Variants in PTPRT observed in about 807,000 individuals in gnomAD.
PTPRT encodes receptor-type tyrosine-protein phosphatase T.
In PTPRT, 56 loss-of-function variants were observed where a neutral mutation model predicts 176.8. That is an observed-to-expected ratio of 0.32 (90% CI 0.26 to 0.40). The LOEUF (loss-of-function observed/expected upper bound fraction) is 0.40. Among genes scored for constraint, PTPRT ranks in the 10% least tolerant of loss-of-function variants. The probability of loss-of-function intolerance (pLI) is 1.00; values close to 1 mark genes in which losing one functional copy is unlikely to be tolerated. For synonymous variants in PTPRT, 783 were observed against 739.0 expected, an observed-to-expected ratio of 1.06 and a Z score of -0.96; for missense variants, 1,540 against 1,908.2, an observed-to-expected ratio of 0.81 and a Z score of 3.60.
intron 16 of PTPRT, among the ~76,000 whole-genome samples, chr20:42,168,779 G>T (rs1214174011): frequency 6.6e-6 from 1 of 152,194 alleles, no homozygotes; most frequent in Non-Finnish European, 1.5e-5. Context: ...TTGTAAGAAT[G>T]CTCTGTTCTG....
intron 26 of PTPRT, 68 bp downstream of exon 26, chr20:42,102,056 C>A: frequency 6.4e-7 from 1 of 1,557,448 alleles, no homozygotes; most frequent in East Asian, 2.3e-5. Flanking sequence ...GGTCCAGCCA[C>A]CTCCACCTCA....
intron 15 of PTPRT, among the ~76,000 whole-genome samples, chr20:42,232,792 T>C (rs2056161629): frequency 7.4e-6 from 1 of 134,510 alleles, no homozygotes; most frequent in Non-Finnish European, 1.5e-5. Flanking sequence ...GTAGCCAGTA[T>C]CATGTTTCTT....
intron 1 of PTPRT, among the ~76,000 whole-genome samples, chr20:43,071,302 C>A (rs1302353216): frequency 6.6e-6 from 1 of 152,222 alleles, no homozygotes; most frequent in African/African-American, 2.4e-5. Flanking sequence ...AAATCTCAAG[C>A]CCCACTCCAG....
chr20:42,397,124 G>A (rs1390841966), intron 9 of PTPRT, among the ~76,000 whole-genome samples: 3 of 152,266 alleles, frequency 2.0e-5, no homozygotes, highest in African/African-American at 7.2e-5. Context: ...GATGGTGTCA[G>A]TTTTCCCACT....
At chr20:42,213,664 T>G (rs1488541280) in intron 15 of PTPRT, among the ~76,000 whole-genome samples, 1 of 152,110 alleles carries the variant, frequency 6.6e-6, no homozygotes, top group East Asian at 1.9e-4. Flanking sequence ...TGGACAGAAG[T>G]GCACTGGAAG....
chr20:42,199,223 T>C lies in PTPRT; in HGVS notation c.2491+17A>G. 1 of 1,612,962 alleles carries C rather than the reference T, an allele frequency of 6.2e-7. No individual in the cohort carries two copies. Among genetic ancestry groups the C allele is most frequent in the South Asian group, 1.1e-5 (1 of 90,936 alleles). ...TGGACCACGGATGTCCCCTTCCCCT[T>C]TGTTGGCTCTACTTACTGAATCCGT... On this transcript the variant is annotated intron_variant, in intron 16 of 30. Coordinates refer to ENST00000373187, the MANE Select transcript of PTPRT (RefSeq NM_007050.6).
chr20:42,169,906 C>A (rs1375730669), intron 16 of PTPRT, among the ~76,000 whole-genome samples: 2 of 152,044 alleles, frequency 1.3e-5, no homozygotes, highest in Non-Finnish European at 2.9e-5. Context: ...ACTCCCAAAA[C>A]AAGGGACAAA....
chr20:42,311,080 T>A (rs1277801364), intron 12 of PTPRT, among the ~76,000 whole-genome samples: 1 of 152,190 alleles, frequency 6.6e-6, no homozygotes, highest in African/African-American at 2.4e-5. Context: ...ACTTCCACAT[T>A]CCTAATGTGA....
At chr20:42,658,127 A>T (rs2075159985) in intron 7 of PTPRT, among the ~76,000 whole-genome samples, 1 of 152,090 alleles carries the variant, frequency 6.6e-6, no homozygotes, top group Admixed American at 6.6e-5. Context: ...TGAATATTGA[A>T]CCCATGGCTC....
rs1167328232 is a variant in PTPRT, at chr20:42,350,549, C to T, written c.1865+79G>A. 2.0e-4 allele frequency: 237 copies of T among 1,186,264 alleles called. 1 individual carries two copies. Among genetic ancestry groups the T allele is most frequent in the Non-Finnish European group, 6.3e-6 (5 of 797,422 alleles). 73.5% of individuals were successfully genotyped at this position (1,186,264 alleles called of 1,614,324 possible). A position where few individuals can be genotyped will look rare whatever the true frequency, so the allele number is the denominator to read the frequency against. ...TGGCCAGTCTTGCCCATGGGCATTG[C>T]CAGTCACATGATTCAACTGGAGGCC... On this transcript the variant is annotated intron_variant, in intron 11 of 30. Coordinates refer to ENST00000373187, the MANE Select transcript of PTPRT (RefSeq NM_007050.6).
chr20:42,268,905 G>A (rs554815836), intron 13 of PTPRT, among the ~76,000 whole-genome samples: 109 of 152,278 alleles, frequency 7.2e-4, no homozygotes, highest in Middle Eastern at 6.8e-3. Context: ...TGGCGCAAAT[G>A]GCTCACAAAT....
At chr20:42,651,211 A>G (rs1484516716) in intron 7 of PTPRT, among the ~76,000 whole-genome samples, 1 of 152,296 alleles carries the variant, frequency 6.6e-6, no homozygotes, top group East Asian at 1.9e-4. Context: ...AAGTCTAAAA[A>G]TGATGGTATT....
At chr20:42,333,841 T>G (rs1327260393) in intron 11 of PTPRT, among the ~76,000 whole-genome samples, 1 of 151,822 alleles carries the variant, frequency 6.6e-6, no homozygotes, top group Non-Finnish European at 1.5e-5. Flanking sequence ...CCACCACACC[T>G]GGCTAATGTT....
chr20:42,886,049 C>CTTTATATATATATATATATATATA (rs58536258), intron 1 of PTPRT, 117 bp from the exon 2 acceptor site: 6 of 431,244 alleles, frequency 1.4e-5, no homozygotes, highest in Admixed American at 1.0e-4. Flanking sequence ...AGAAGATTTT[C>CTTTATATATATATATATATATATA]CATATATATA....
chr20:43,054,769 A>G (rs1208723084), intron 1 of PTPRT, among the ~76,000 whole-genome samples: 7 of 152,148 alleles, frequency 4.6e-5, no homozygotes, highest in Non-Finnish European at 8.8e-5. Context: ...AGGCAAAATC[A>G]TAGATAATCC....
chr20:42,242,876 G>A (rs949769375), intron 14 of PTPRT, among the ~76,000 whole-genome samples: 7 of 152,030 alleles, frequency 4.6e-5, no homozygotes, highest in Non-Finnish European at 7.4e-5. Flanking sequence ...ACAGGTTTGA[G>A]AGTACGAGCT....
rs151297795 is a variant in PTPRT, at chr20:42,729,205, T to C, written c.859+27257A>G. Reference sequence around the variant, plus strand: ...GTTTGGCAAAATGAGGCTCCCACCCTGAACTAAAAATGCTTCTCTTGTTTC... The same window carrying C: ...GTTTGGCAAAATGAGGCTCCCACCCCGAACTAAAAATGCTTCTCTTGTTTC... On this transcript the variant is annotated intron_variant, in intron 6 of 30. Transcript: ENST00000373187. Among the ~76,000 whole-genome samples, 62 of 152,282 alleles carry C rather than the reference T, an allele frequency of 4.1e-4. 1 individual carries two copies. The highest frequency in any genetic ancestry group is 1.4e-3 in the African/African-American group (59 of 41,564).
At chr20:42,771,327 C>A in intron 5 of PTPRT, 108 bp downstream of exon 5, 1 of 960,338 alleles carries the variant, frequency 1.0e-6, no homozygotes, top group South Asian at 1.5e-5. Context: ...TCCCCCTCTG[C>A]ATGTCTTTGT....
intron 1 of PTPRT, among the ~76,000 whole-genome samples, chr20:42,952,901 G>C (rs1981342188): frequency 6.6e-6 from 1 of 152,132 alleles, no homozygotes; most frequent in Admixed American, 6.5e-5. Context: ...CCTAATAAAT[G>C]AGACGGTGGA....
Sources: gnomAD v4.1 joint callset for allele counts (sites outside exome capture counted in the v4.1 genomes callset) on GRCh38, gnomAD v4.1.1 for gene constraint, MANE v1.5 for transcripts, NCBI Gene and HGNC (gene_info 2026-07-23, HGNC 2026-07-21) for gene names.